MBTPS1: variants seen among roughly 807,000 people sequenced by gnomAD.
MBTPS1 encodes membrane-bound transcription factor site-1 protease.
MBTPS1 carries 94 observed loss-of-function variants against 127.8 expected under a neutral mutation model. That is an observed-to-expected ratio of 0.74 (90% CI 0.62 to 0.87). The LOEUF (loss-of-function observed/expected upper bound fraction) is 0.87, where lower values mean the gene tolerates loss of function less well. Among genes scored for constraint, MBTPS1 ranks in the 40% least tolerant of loss-of-function variants. MBTPS1 has a pLI of 0.00. For missense variants in MBTPS1, 1,636 were observed against 1,353.2 expected (o/e 1.21, Z -3.28); for synonymous variants, 632 against 509.4 (o/e 1.24, Z -3.24).
chr16:84,067,575 C>T, intron 16 of MBTPS1, 92 bp downstream of exon 16: 1 of 1,065,202 alleles, frequency 9.4e-7, no homozygotes, highest in Non-Finnish European at 1.4e-6. Flanking sequence ...CTGGAAAGAC[C>T]ACCAACAGGT....
intron 10 of MBTPS1, among the ~76,000 whole-genome samples, chr16:84,084,547 C>T (rs890789111): frequency 1.1e-4 from 17 of 152,116 alleles, no homozygotes; most frequent in African/African-American, 3.4e-4. Context: ...CTTACATATA[C>T]GCAGTAGGAT....
At chr16:84,067,544 C>G (rs1597311097) in intron 16 of MBTPS1, 123 bp downstream of exon 16, 1 of 778,224 alleles carries the variant, frequency 1.3e-6, no homozygotes, top group East Asian at 2.6e-5. Flanking sequence ...TAATCAAGCT[C>G]TCTGAATGTG....
chr16:84,099,959 A>T (rs1332727924), intron 2 of MBTPS1, among the ~76,000 whole-genome samples: 1 of 152,254 alleles, frequency 6.6e-6, no homozygotes, highest in East Asian at 1.9e-4. Context: ...ATGCTCAGTT[A>T]GTGTTTCTTA....
intron 10 of MBTPS1, among the ~76,000 whole-genome samples, chr16:84,083,313 A>C (rs1260835598): frequency 1.3e-5 from 2 of 152,232 alleles, no homozygotes; most frequent in Admixed American, 6.5e-5. Context: ...GAGAGAGGAA[A>C]ACAACGGCAA....
At chr16:84,070,990 T>C (rs940034534) in intron 12 of MBTPS1, among the ~76,000 whole-genome samples, 1 of 152,226 alleles carries the variant, frequency 6.6e-6, no homozygotes, top group Admixed American at 6.5e-5. Context: ...TAGAAACCAC[T>C]ATTTCTGACA....
intron 11 of MBTPS1, among the ~76,000 whole-genome samples, chr16:84,076,097 G>T (rs529031449): frequency 1.7e-4 from 26 of 152,112 alleles, no homozygotes; most frequent in African/African-American, 6.3e-4. Flanking sequence ...CAAGACCAGT[G>T]GCATTTATTA....
At chr16:84,065,303 G>C (rs922677875) in intron 18 of MBTPS1, among the ~76,000 whole-genome samples, 1 of 152,248 alleles carries the variant, frequency 6.6e-6, no homozygotes, top group African/African-American at 2.4e-5. Flanking sequence ...ATTTTTAGTA[G>C]AGACAGGGTT....
chr16:84,115,418 T>G (rs1485260503), intron 1 of MBTPS1, among the ~76,000 whole-genome samples: 1 of 152,206 alleles, frequency 6.6e-6, no homozygotes, highest in African/African-American at 2.4e-5. Context: ...GCTCCCATTC[T>G]CAATCAACAG....
chr16:84,107,344 G>A (rs1331180455), intron 1 of MBTPS1, among the ~76,000 whole-genome samples: 1 of 152,138 alleles, frequency 6.6e-6, no homozygotes, highest in African/African-American at 2.4e-5. Flanking sequence ...ACCAGTGGCT[G>A]GAAGGAAGGT....
At position 84,054,539 on chromosome 16, in the gene MBTPS1, C is replaced by T. The variant is rs747663619; in HGVS notation, c.3069G>A (p.Lys1023=). ...TCCTCCGCTTCGGCCTGCTCTTGGC[C>T]TTGTTGATTTGTACCACAAAGAAGG... The part of the protein sequence containing the change: ...VLAFFVVQIN[K]AKSRPKRRKP... Residue 1023 remains lysine, a synonymous_variant, in exon 23 of 23, where the codon AAG becomes AAA. Transcript: ENST00000343411. 1.2e-6 allele frequency: 2 copies of T among 1,613,950 alleles called. No homozygotes were observed. The highest frequency in any genetic ancestry group is 2.2e-5 in the East Asian group (1 of 44,882).
chr16:84,094,409 G>A (rs1597340702), intron 4 of MBTPS1, among the ~76,000 whole-genome samples: 1 of 152,144 alleles, frequency 6.6e-6, no homozygotes, highest in African/African-American at 2.4e-5. Context: ...AATCACTGCA[G>A]TGTGCACTTT....
chr16:84,076,153 T>C (rs912595044), intron 11 of MBTPS1, among the ~76,000 whole-genome samples: 2 of 152,284 alleles, frequency 1.3e-5, no homozygotes, highest in East Asian at 3.9e-4. Context: ...ATAAACCATA[T>C]ATATTAATAG....
intron 8 of MBTPS1, among the ~76,000 whole-genome samples, chr16:84,089,261 C>G (rs1269087095): frequency 6.6e-6 from 1 of 152,264 alleles, no homozygotes; most frequent in East Asian, 1.9e-4. Context: ...TGGGCCAAAC[C>G]AGGCCCACAC....
chr16:84,099,176 C>A lies in MBTPS1; in HGVS notation c.298G>T (p.Asp100Tyr). The part of the protein sequence containing the change: ...RNNPSSDYPS[D>Y]FEVIQIKEKQ... ...TCTTTTATCTGAATCACCTCAAAATCACTAGGGTAGTCACTGGATGGATTG... is the reference window on the plus strand; with the variant it reads ...TCTTTTATCTGAATCACCTCAAAATAACTAGGGTAGTCACTGGATGGATTG... Residue 100 changes from aspartate (D) to tyrosine (Y), a missense_variant, in exon 3 of 23, where the codon GAT (aspartate) becomes TAT (tyrosine). Coordinates refer to ENST00000343411, the MANE Select transcript of MBTPS1 (RefSeq NM_003791.4). 1 of 1,614,170 alleles carries A rather than the reference C, an allele frequency of 6.2e-7. No homozygotes were observed. The highest frequency in any genetic ancestry group is 8.5e-7 in the Non-Finnish European group (1 of 1,180,040).
intron 8 of MBTPS1, 61 bp downstream of exon 8, chr16:84,090,814 A>G: frequency 2.5e-6 from 3 of 1,206,502 alleles, no homozygotes; most frequent in Non-Finnish European, 3.7e-6. Context: ...AACAGATAAC[A>G]ATTTTTCAGT....
chr16:84,059,196 C>G, intron 21 of MBTPS1, 106 bp downstream of exon 21: 1 of 1,413,040 alleles, frequency 7.1e-7, no homozygotes, highest in African/African-American at 1.4e-5. Flanking sequence ...GCTTGAAGAT[C>G]TGACAATTCG....
In MBTPS1 at chr16:84,067,738, C is replaced by G. The variant is rs768818247; in HGVS notation, c.2157G>C (p.Ser719=). The change falls in exon 16 of 23, where the codon TCG becomes TCC. Residue 719 remains serine (S), a synonymous_variant. Transcript: ENST00000343411. ...TGTACCAGTCACTGAAGATGACGAG[C>G]GAGAGGCCGTTGTCCACGTCCCTCC... ...KLRRDVDNGL[S]LVIFSDWYNT... 6.2e-7 allele frequency: 1 copy of G among 1,614,018 alleles called. No homozygotes were observed. The highest frequency in any genetic ancestry group is 8.5e-7 in the Non-Finnish European group (1 of 1,179,878).
intron 10 of MBTPS1, among the ~76,000 whole-genome samples, chr16:84,083,701 T>G (rs1266115593): frequency 2.5e-4 from 38 of 152,224 alleles, no homozygotes. Flanking sequence ...CATTTAATAC[T>G]ATTTGCCTAT....
chr16:84,095,654 G>T lies in MBTPS1; in HGVS notation c.573C>A (p.Arg191=). The T allele has an allele frequency of 6.2e-7, 1 of 1,614,206 alleles. No homozygotes were observed. Among genetic ancestry groups the T allele is most frequent in the Non-Finnish European group, 8.5e-7 (1 of 1,180,034 alleles). Residue 191 remains arginine, a synonymous_variant, in exon 4 of 23, where the codon CGC becomes CGA. Coordinates refer to ENST00000343411, the MANE Select transcript of MBTPS1 (RefSeq NM_003791.4). ...CTGCCTGCAGTGTCTGGGCAACCTG[G>T]CGCGGGATGGCTCTCAGCAGCCGTC... ...SSRRLLRAIP[R]QVAQTLQADV... is the part of the protein sequence containing the mutation.
Sources: allele counts gnomAD v4.1 joint callset (sites outside exome capture counted in the v4.1 genomes callset), GRCh38; gene constraint gnomAD v4.1.1; transcripts MANE v1.5; gene names NCBI Gene and HGNC (gene_info 2026-07-23, HGNC 2026-07-21).